WASF2: variants seen among roughly 807,000 people sequenced by gnomAD.
WASF2 encodes the protein actin-binding protein WASF2.
WASF2 carries 14 observed loss-of-function variants against 45.0 expected under a neutral mutation model. The observed-to-expected ratio is 0.31, with a 90% CI of 0.21 to 0.49. The LOEUF (loss-of-function observed/expected upper bound fraction) is 0.49, where lower values mean the gene tolerates loss of function less well. Ranked by LOEUF, WASF2 falls within the 20% of genes least tolerant of loss-of-function variation. WASF2 has a pLI of 0.99. For synonymous variants in WASF2, 200 were observed against 236.3 expected, an observed-to-expected ratio of 0.85 and a Z score of 1.41; for missense variants, 439 against 636.1, an observed-to-expected ratio of 0.69 and a Z score of 3.33.
rs1017567602 is a variant in WASF2, at chr1:27,414,212, T to C, written c.668+621A>G. Among the ~76,000 whole-genome samples, 1 of 152,190 alleles carries C rather than the reference T, an allele frequency of 6.6e-6. No individual in the cohort carries two copies. ...CATCAAACCAAGCTTTAAAACCATCTTTTTCCCCCTTTAAACCTCCAGTGT... is the reference window on the plus strand; with the variant it reads ...CATCAAACCAAGCTTTAAAACCATCCTTTTCCCCCTTTAAACCTCCAGTGT... On this transcript the variant is annotated intron_variant, in intron 6 of 8. Coordinates refer to ENST00000618852, the MANE Select transcript of WASF2 (RefSeq NM_006990.5). The surrounding 1 kb of genome is among the most constrained non-coding windows in gnomAD (Gnocchi z 4.1).
At chr1:27,434,373 T>A (rs1272709753) in intron 1 of WASF2, among the ~76,000 whole-genome samples, 1 of 152,240 alleles carries the variant, frequency 6.6e-6, no homozygotes, top group Non-Finnish European at 1.5e-5. Context: ...GCTAAACATC[T>A]TTTAGAAGCT....
At chr1:27,484,814 A>AAAAAAAAAAAAAAAAG (rs1453867723) in intron 1 of WASF2, among the ~76,000 whole-genome samples, 2 of 151,258 alleles carry the variant, frequency 1.3e-5, no homozygotes, top group African/African-American at 4.9e-5. Context: ...TCTGTCTCAA[A>AAAAAAAAAAAAAAAAG]AAAAAAAAGA....
chr1:27,468,959 T>C (rs2017653743), intron 1 of WASF2, among the ~76,000 whole-genome samples: 1 of 149,316 alleles, frequency 6.7e-6, no homozygotes, highest in Non-Finnish European at 1.5e-5. Flanking sequence ...AGAAGCTATG[T>C]AAACCAAATC....
At chr1:27,422,823 C>A (rs1240280236) in intron 2 of WASF2, among the ~76,000 whole-genome samples, 1 of 151,962 alleles carries the variant, frequency 6.6e-6, no homozygotes, top group African/African-American at 2.4e-5. Flanking sequence ...TACTCCTCAA[C>A]CACATTACAT....
rs2017105240 is a variant in WASF2, at chr1:27,434,457, G to A, written c.-43-5524C>T. 2.6e-5 allele frequency among the ~76,000 whole-genome samples: 4 copies of A among 152,108 alleles called. No homozygotes were observed. The South Asian group carries it at 8.3e-4, about 31-fold the overall frequency. On this transcript the variant is annotated intron_variant, in intron 1 of 8. Transcript: ENST00000618852. ...CTCCTCACTCAGCCAACATCCACTT[G>A]CATTCTGAACACACAATCAGAGGCA...
chr1:27,411,244 T>C (rs1370786805), intron 7 of WASF2, among the ~76,000 whole-genome samples: 4 of 152,232 alleles, frequency 2.6e-5, no homozygotes, highest in African/African-American at 9.6e-5. Flanking sequence ...AAAGCTCTCA[T>C]TTATCAGGCA....
chr1:27,464,860 C>G (rs1295290738), intron 1 of WASF2, among the ~76,000 whole-genome samples: 1 of 152,214 alleles, frequency 6.6e-6, no homozygotes, highest in African/African-American at 2.4e-5. Context: ...TCCCAAGTAG[C>G]TGGGATTACA....
intron 1 of WASF2, among the ~76,000 whole-genome samples, chr1:27,461,947 C>T (rs2017551311): frequency 6.6e-6 from 1 of 151,274 alleles, no homozygotes; most frequent in Non-Finnish European, 1.5e-5. Context: ...CAGGTCTGAG[C>T]TACCACACAC....
At chr1:27,471,533 T>C (rs1571160836) in intron 1 of WASF2, among the ~76,000 whole-genome samples, 1 of 151,536 alleles carries the variant, frequency 6.6e-6, no homozygotes, top group Admixed American at 6.6e-5. Context: ...GAGGCTGAGG[T>C]GGGAGGCTCA....
intron 1 of WASF2, among the ~76,000 whole-genome samples, chr1:27,470,163 C>T (rs1027214548): frequency 1.3e-5 from 2 of 152,064 alleles, no homozygotes; most frequent in African/African-American, 2.4e-5. Flanking sequence ...TGAAGATGAG[C>T]GCATTATTGC....
chr1:27,412,599 T>C lies in WASF2; in HGVS notation c.797A>G (p.Asn266Ser). Residue 266 changes from asparagine (N) to serine (S), a missense_variant, in exon 7 of 9, where the codon AAC becomes AGC. Asn to Ser is a conservative substitution (Grantham distance 46). Coordinates refer to ENST00000618852, the MANE Select transcript of WASF2 (RefSeq NM_006990.5). ...SSPSPSFSED[N>S]LPPPPAEFSY... ...GAATTCTGCTGGTGGAGGAGGCAAG[T>C]TGTCCTCGGAGAAGGAAGGAGAAGG... 6.2e-7 allele frequency: 1 copy of C among 1,614,188 alleles called. No individual in the cohort carries two copies. Among genetic ancestry groups the C allele is most frequent in the East Asian group, 2.2e-5 (1 of 44,888 alleles).
At chr1:27,432,397 C>T (rs2017076865) in intron 1 of WASF2, among the ~76,000 whole-genome samples, 1 of 151,976 alleles carries the variant, frequency 6.6e-6, no homozygotes, top group Admixed American at 6.6e-5. Flanking sequence ...GCCTGTAATT[C>T]CAGCACTTTG....
chr1:27,418,542 G>T, intron 3 of WASF2, 120 bp from the exon 4 acceptor site: 1 of 1,394,792 alleles, frequency 7.2e-7, no homozygotes, highest in Non-Finnish European at 9.8e-7. Flanking sequence ...CCGCAGCCAG[G>T]CTTTTTTTTT....
At position 27,408,329 on chromosome 1, in the gene WASF2, C is replaced by T. The variant is rs1181138512; in HGVS notation, c.1357G>A (p.Val453Ile). ...TTCTCTTGTTCCCGCTGCTCCTCAACCCTGCGCAGCTGAAAACCTAGTGGC... is the reference window on the plus strand; with the variant it reads ...TTCTCTTGTTCCCGCTGCTCCTCAATCCTGCGCAGCTGAAAACCTAGTGGC... ...AIRQGFQLRR[V>I]EEQREQEKRD... Residue 453 changes from valine to isoleucine, a missense_variant, in exon 9 of 9, where the codon GTT becomes ATT. Around this residue, in one of 5 missense-constraint regions of WASF2, gnomAD observed 286 missense variants for 373.5 expected, o/e 0.77. Coordinates refer to ENST00000618852, the MANE Select transcript of WASF2 (RefSeq NM_006990.5). 6.2e-7 allele frequency: 1 copy of T among 1,614,218 alleles called. No homozygotes were observed. Among genetic ancestry groups the T allele is most frequent in the Non-Finnish European group, 8.5e-7 (1 of 1,180,036 alleles).
chr1:27,424,147 A>C (rs890720525), intron 2 of WASF2, among the ~76,000 whole-genome samples: 1 of 152,216 alleles, frequency 6.6e-6, no homozygotes, highest in African/African-American at 2.4e-5. Flanking sequence ...CCATTCCATA[A>C]TCAGACTTTC....
Position 27,409,452 on chromosome 1 carries a change from A to AAAAAG in WASF2, c.1339+235_1339+239dup, listed in dbSNP as rs1557594403. ...ACAAAAAAAAAAAAAAAAAAAAAAA[A>AAAAAG]AAAAGAAAAGAAAAGAATCCTTTAC... On this transcript the variant is annotated intron_variant, in intron 8 of 8. Coordinates refer to ENST00000618852, the MANE Select transcript of WASF2 (RefSeq NM_006990.5). 2.3e-3 allele frequency among the ~76,000 whole-genome samples: 336 copies of AAAAAG among 146,282 alleles called. 2 individuals carry two copies. The highest frequency in any genetic ancestry group is 7.8e-3 in the African/African-American group (288 of 37,094).
chr1:27,488,812 T>C (rs1275582976), intron 1 of WASF2, among the ~76,000 whole-genome samples: 1 of 152,218 alleles, frequency 6.6e-6, no homozygotes, highest in Admixed American at 6.5e-5. Flanking sequence ...CCTTGCCCAG[T>C]GATTCTCAGA....
Position 27,477,706 on chromosome 1 carries a change from C to T in WASF2, c.-44+12280G>A, listed in dbSNP as rs1186769113. Among the ~76,000 whole-genome samples, 80 of 107,302 alleles carry T rather than the reference C, an allele frequency of 7.5e-4. 16 individuals are homozygous for T. Among genetic ancestry groups the T allele is most frequent in the African/African-American group, 3.9e-3 (76 of 19,728 alleles). The allele number at this position is 107,302 out of a possible 152,430, so 70.4% of individuals were successfully genotyped here. The stretch of plus-strand genomic sequence containing the variant: ...CGAGGTCAGGAGATCGAGACCATCC[C>T]GGCTAAAACGGTGAAACCCCGTCTC... On this transcript the variant is annotated intron_variant, in intron 1 of 8. Transcript: ENST00000618852.
intron 2 of WASF2, among the ~76,000 whole-genome samples, chr1:27,425,050 A>G (rs1249875593): frequency 2.6e-5 from 4 of 152,160 alleles, no homozygotes; most frequent in African/African-American, 9.7e-5. Flanking sequence ...TCTCAGGAGA[A>G]TTACTAGTAG....
Sources: allele counts gnomAD v4.1 joint callset (sites outside exome capture counted in the v4.1 genomes callset), GRCh38; gene constraint gnomAD v4.1.1; regional missense constraint gnomAD v4.1.1; non-coding constraint Gnocchi (gnomAD v3.1); transcripts MANE v1.5; gene names NCBI Gene and HGNC (gene_info 2026-07-23, HGNC 2026-07-21).